Variants in MEGF11 observed in about 807,000 individuals in gnomAD.
The protein encoded by MEGF11 is multiple epidermal growth factor-like domains protein 11.
In MEGF11, 126 loss-of-function variants were observed where a neutral mutation model predicts 146.6. The observed-to-expected ratio is 0.86, with a 90% confidence interval of 0.74 to 1.00. The LOEUF (loss-of-function observed/expected upper bound fraction) is 1.00, where lower values mean the gene tolerates loss of function less well. Ranked by LOEUF, MEGF11 falls within the 50% of genes least tolerant of loss-of-function variation. The pLI, the probability that MEGF11 is intolerant of heterozygous loss-of-function variation, is 0.00. For synonymous variants in MEGF11, 532 were observed against 583.4 expected (o/e 0.91, Z 1.27); for missense variants, 1,509 against 1,521.2 (o/e 0.99, Z 0.13).
intron 7 of MEGF11, chr15:65,970,988 CA>C: frequency 5.8e-5 from 24 of 416,584 alleles, no homozygotes; most frequent in South Asian, 8.6e-5. Flanking sequence ...CAGAAAGAGC[CA>C]AAAAAACCGC....
intron 4 of MEGF11, among the ~76,000 whole-genome samples, chr15:66,106,864 C>G (rs2087106602): frequency 6.6e-6 from 1 of 152,176 alleles, no homozygotes; most frequent in Non-Finnish European, 1.5e-5. Context: ...GTAAAAGACA[C>G]TGAATGGTAA....
intron 1 of MEGF11, among the ~76,000 whole-genome samples, chr15:66,169,555 C>A (rs1287585775): frequency 6.6e-6 from 1 of 152,254 alleles, no homozygotes; most frequent in African/African-American, 2.4e-5. Flanking sequence ...CTGGCTTGCC[C>A]ATAATTATTC....
chr15:66,168,565 C>G (rs1015247236), intron 1 of MEGF11, among the ~76,000 whole-genome samples: 2 of 152,194 alleles, frequency 1.3e-5, no homozygotes, highest in Non-Finnish European at 1.5e-5. Context: ...GGGAGGGAAG[C>G]CACCAGTCCA....
chr15:65,992,236 T>C (rs2082065482), intron 5 of MEGF11, among the ~76,000 whole-genome samples: 1 of 152,114 alleles, frequency 6.6e-6, no homozygotes, highest in African/African-American at 2.4e-5. Context: ...AGTATCACCA[T>C]CAACATTTCA....
intron 1 of MEGF11, among the ~76,000 whole-genome samples, chr15:66,150,136 C>A (rs1276397711): frequency 1.3e-5 from 2 of 152,218 alleles, no homozygotes; most frequent in Non-Finnish European, 2.9e-5. Context: ...TCTGGGGAGA[C>A]AAAGCTTCTC....
chr15:66,007,276 A>G (rs2082548540), intron 5 of MEGF11, among the ~76,000 whole-genome samples: 1 of 152,242 alleles, frequency 6.6e-6, no homozygotes, highest in African/African-American at 2.4e-5. Flanking sequence ...AGCCAAGCCC[A>G]TACTTGGGAC....
intron 4 of MEGF11, among the ~76,000 whole-genome samples, chr15:66,105,037 A>G (rs1422169142): frequency 1.3e-5 from 2 of 152,030 alleles, no homozygotes; most frequent in Non-Finnish European, 2.9e-5. Flanking sequence ...GGGGCTGAAG[A>G]CCTCAACTAG....
chr15:66,187,519 G>T (rs1175402901), intron 1 of MEGF11, among the ~76,000 whole-genome samples: 2 of 152,218 alleles, frequency 1.3e-5, no homozygotes, highest in African/African-American at 4.8e-5. Flanking sequence ...CCAGGAGAGA[G>T]GCTGCCCCTC....
chr15:65,956,664 T>G (rs1050335201), intron 10 of MEGF11, among the ~76,000 whole-genome samples: 6 of 152,252 alleles, frequency 3.9e-5, no homozygotes, highest in African/African-American at 1.4e-4. Flanking sequence ...GGGCATGCCC[T>G]GCCTTTGAAC....
At chr15:66,065,797 C>T (rs189937910) in intron 5 of MEGF11, among the ~76,000 whole-genome samples, 1 of 152,298 alleles carries the variant, frequency 6.6e-6, no homozygotes, top group East Asian at 1.9e-4. Context: ...TCTCCCCTGA[C>T]TTTCCACTGT....
chr15:66,109,607 G>T (rs1184389772), intron 4 of MEGF11, among the ~76,000 whole-genome samples: 1 of 152,138 alleles, frequency 6.6e-6, no homozygotes, highest in African/African-American at 2.4e-5. Context: ...ACGTGCTCGG[G>T]GGCACACAGC....
At chr15:66,145,887 A>C (rs993037776) in intron 1 of MEGF11, among the ~76,000 whole-genome samples, 1 of 152,170 alleles carries the variant, frequency 6.6e-6, no homozygotes, top group African/African-American at 2.4e-5. Flanking sequence ...CCATTGTGAA[A>C]ATTAAATGAG....
At chr15:66,114,306 T>C (rs893197728) in intron 4 of MEGF11, among the ~76,000 whole-genome samples, 4 of 152,128 alleles carry the variant, frequency 2.6e-5, no homozygotes, top group Admixed American at 2.0e-4. Context: ...TTCCAGAGAG[T>C]TGCTGCTCCA....
At chr15:65,911,367 C>A (rs2078799188) in intron 21 of MEGF11, among the ~76,000 whole-genome samples, 1 of 152,244 alleles carries the variant, frequency 6.6e-6, no homozygotes, top group African/African-American at 2.4e-5. Flanking sequence ...CACTTGCACA[C>A]ATTGTGTTGG....
chr15:66,200,471 C>T (rs982639228), intron 1 of MEGF11, among the ~76,000 whole-genome samples: 3 of 152,102 alleles, frequency 2.0e-5, no homozygotes, highest in South Asian at 2.1e-4. Flanking sequence ...ATGGTTTCTT[C>T]GAGAGAAATG....
chr15:66,094,768 A>G (rs2086468829), intron 4 of MEGF11, among the ~76,000 whole-genome samples: 1 of 152,144 alleles, frequency 6.6e-6, no homozygotes, highest in Admixed American at 6.5e-5. Context: ...TTTTGAGAAC[A>G]TTTCCTGCAA....
chr15:66,038,538 AT>A (rs2083814911), intron 5 of MEGF11, among the ~76,000 whole-genome samples: 1 of 152,102 alleles, frequency 6.6e-6, no homozygotes, highest in Non-Finnish European at 1.5e-5. Context: ...CGGCACTTTA[AT>A]TTAACGAGGC....
intron 7 of MEGF11, 54 bp downstream of exon 7, chr15:65,980,724 G>A (rs2141678307): frequency 1.2e-5 from 18 of 1,523,286 alleles, no homozygotes; most frequent in Non-Finnish European, 1.6e-5. Flanking sequence ...GTATGTGTGA[G>A]TGATGAAGGC....
intron 5 of MEGF11, among the ~76,000 whole-genome samples, chr15:66,043,738 C>T (rs2084085086): frequency 6.6e-6 from 1 of 152,232 alleles, no homozygotes; most frequent in South Asian, 2.1e-4. Context: ...GTCATTTATT[C>T]ACTCAACAGA....
Sources: allele counts gnomAD v4.1 joint callset (sites outside exome capture counted in the v4.1 genomes callset), GRCh38; gene constraint gnomAD v4.1.1; transcripts MANE v1.5; gene names NCBI Gene and HGNC (gene_info 2026-07-23, HGNC 2026-07-21).